The following PIN4 variants were observed in gnomAD, a reference collection of about 807,000 sequenced individuals.
PIN4 encodes peptidylprolyl cis/trans isomerase, NIMA-interacting 4, also known as peptidyl-prolyl cis-trans isomerase NIMA-interacting 4.
Under a neutral mutation model 8.3 loss-of-function variants are expected in PIN4, and 3 were observed. That is an observed-to-expected ratio of 0.36 (90% CI 0.16 to 0.93). The LOEUF (loss-of-function observed/expected upper bound fraction) is 0.93, where lower values mean the gene tolerates loss of function less well. Among genes scored for constraint, PIN4 ranks in the 40% least tolerant of loss-of-function variants. The pLI is 0.44. For missense variants in PIN4, 75 were observed against 100.6 expected (o/e 0.75, Z 1.09); for synonymous variants, 18 against 32.5 (o/e 0.55, Z 1.52).
intron 3 of PIN4, among the ~76,000 whole-genome samples, chrX:72,232,939 T>TA (rs1231718848): frequency 4.3e-4 from 45 of 104,247 alleles, no homozygotes; most frequent in South Asian, 1.2e-3. Flanking sequence ...CCCATCTCTT[T>TA]AAAAAAAAAA....
intron 3 of PIN4, chrX:72,205,326 G>T (rs140206006): frequency 1.7e-6 from 2 of 1,211,794 alleles, no homozygotes; most frequent in Non-Finnish European, 2.2e-6. Context: ...GTGTTTCTCC[G>T]GAAGGATCCT....
intron 3 of PIN4, among the ~76,000 whole-genome samples, chrX:72,250,336 C>T (rs2043081937): frequency 9.1e-6 from 1 of 110,313 alleles, no homozygotes; most frequent in African/African-American, 3.3e-5. Context: ...GTGGTACGTG[C>T]CTATAGTCCC....
At chrX:72,229,237 T>A (rs1191571595) in intron 3 of PIN4, among the ~76,000 whole-genome samples, 1 of 111,229 alleles carries the variant, frequency 9.0e-6, no homozygotes, top group African/African-American at 3.3e-5. Context: ...CGTACTATCA[T>A]TATTAAACAC....
chrX:72,255,273 A>AAGTAATAAT (rs1556407611), intron 3 of PIN4, among the ~76,000 whole-genome samples: 19 of 96,378 alleles, frequency 2.0e-4, no homozygotes, highest in African/African-American at 6.8e-4. Context: ...CCATCTCTAA[A>AAGTAATAAT]AATAATAATA....
intron 3 of PIN4, among the ~76,000 whole-genome samples, chrX:72,253,058 C>T (rs1321016395): frequency 9.0e-6 from 1 of 111,691 alleles, no homozygotes; most frequent in African/African-American, 3.3e-5. Flanking sequence ...TGGTTCCCAA[C>T]CCACCCTCAA....
At chrX:72,203,829 G>C (rs1294869627) in intron 3 of PIN4, among the ~76,000 whole-genome samples, 1 of 111,801 alleles carries the variant, frequency 8.9e-6, no homozygotes, top group East Asian at 2.8e-4. Context: ...CCAACACATA[G>C]TACGTCATCA....
At chrX:72,210,202 AAAATAAATAAATAAATAAAT>A (rs58086876) in intron 3 of PIN4, among the ~76,000 whole-genome samples, 12 of 97,197 alleles carry the variant, frequency 1.2e-4, no homozygotes, top group Non-Finnish European at 2.0e-4. Context: ...TGTCTCTTAA[AAAATAAATAAATAAATAAAT>A]AAATAAATAA....
At chrX:72,250,991 C>G (rs1157284776) in intron 3 of PIN4, among the ~76,000 whole-genome samples, 2 of 107,826 alleles carry the variant, frequency 1.9e-5, no homozygotes, top group Admixed American at 1.9e-4. Context: ...CCTCCCACCT[C>G]CATCTCCCAA....
rs1556407611 is a variant in PIN4 at position 72,255,273 on chromosome X, A to AATAATAATAAT, written c.313-7433_313-7432insTAATAATAATA. Among the ~76,000 whole-genome samples, 8 of 96,399 alleles carry AATAATAATAAT rather than the reference A, an allele frequency of 8.3e-5. No individual in the cohort carries two copies. In the East Asian group the frequency reaches 1.4e-3, roughly 17 times the overall value. The allele number at this position is 96,399 out of a possible 115,157, so 83.7% of individuals were successfully genotyped here. A position where few individuals can be genotyped will look rare whatever the true frequency, so the allele number is the denominator to read the frequency against. On this transcript the variant is annotated intron_variant, in intron 3 of 3. Coordinates refer to the PIN4 transcript ENST00000423432. ...CGACAGAGCAAGACCCCATCTCTAA[A>AATAATAATAAT]AATAATAATAATAATAATAATAATA...
intron 2 of PIN4, among the ~76,000 whole-genome samples, chrX:72,193,218 G>C (rs1342985943): frequency 9.0e-6 from 1 of 111,475 alleles, no homozygotes; most frequent in Non-Finnish European, 1.9e-5. Flanking sequence ...TCCCCTATCT[G>C]TGACCACGAA....
chrX:72,193,804 C>T (rs1187874576), intron 2 of PIN4, among the ~76,000 whole-genome samples: 1 of 105,930 alleles, frequency 9.4e-6, no homozygotes, highest in Non-Finnish European at 1.9e-5. Flanking sequence ...ACCTGGGAGG[C>T]GGAGGTTGCA....
Position 72,197,817 on chromosome X carries a change from G to T in PIN4, c.*291G>T. ...CTCCCAGAACTATATCTGACTCTCA[G>T]TCTGTCCCATAAATTAATTCAGAAA... On this transcript the variant is annotated 3_prime_UTR_variant, in exon 4 of 4. Coordinates refer to ENST00000373669, the MANE Select transcript of PIN4 (RefSeq NM_006223.4). 1.3e-6 allele frequency: 1 copy of T among 793,192 alleles called. No homozygotes were observed. Among genetic ancestry groups the T allele is most frequent in the Non-Finnish European group, 1.5e-6 (1 of 662,499 alleles). The allele number at this position is 793,192 out of a possible 1,213,427, so 65.4% of individuals were successfully genotyped here.
chrX:72,262,429 G>A (rs777726510), intron 3 of PIN4, among the ~76,000 whole-genome samples: 1 of 111,982 alleles, frequency 8.9e-6, no homozygotes, highest in African/African-American at 3.2e-5. Context: ...CTCACTTCCT[G>A]TGGGCTTAGT....
At chrX:72,251,279 C>A (rs1270266090) in intron 3 of PIN4, among the ~76,000 whole-genome samples, 1 of 101,653 alleles carries the variant, frequency 9.8e-6, no homozygotes, top group Non-Finnish European at 1.9e-5. Flanking sequence ...AGGAGAATGG[C>A]CTGAACTCGG....
At chrX:72,213,618 G>A (rs150911373) in intron 3 of PIN4, among the ~76,000 whole-genome samples, 3,862 of 112,127 alleles carry the variant, frequency 0.034, 119 homozygotes, top group African/African-American at 0.1. Flanking sequence ...TGTCCGCTGC[G>A]TTTCTGATAT....
At chrX:72,223,367 G>T (rs1298676875) in intron 3 of PIN4, among the ~76,000 whole-genome samples, 1 of 104,376 alleles carries the variant, frequency 9.6e-6, no homozygotes, top group African/African-American at 3.5e-5. Context: ...TTAGAGGAAG[G>T]TCCCCAAACA....
At chrX:72,210,320 A>T (rs1569490302) in intron 3 of PIN4, among the ~76,000 whole-genome samples, 1 of 111,156 alleles carries the variant, frequency 9.0e-6, no homozygotes, top group Non-Finnish European at 1.9e-5. Context: ...GCAAACCAAA[A>T]CCACAAGGAG....
intron 3 of PIN4, among the ~76,000 whole-genome samples, chrX:72,244,645 C>T (rs960900222): frequency 1.2e-4 from 13 of 111,784 alleles, no homozygotes; most frequent in African/African-American, 3.9e-4. Context: ...TACCTTCAAT[C>T]CCAACCCAGC....
At chrX:72,251,690 G>A (rs988194905) in intron 3 of PIN4, among the ~76,000 whole-genome samples, 4 of 110,558 alleles carry the variant, frequency 3.6e-5, no homozygotes, top group Non-Finnish European at 5.7e-5. Context: ...TGTTTTTTTC[G>A]AGGTAGGGAA....
Sources: allele counts gnomAD v4.1 joint callset (sites outside exome capture counted in the v4.1 genomes callset), GRCh38; gene constraint gnomAD v4.1.1; transcripts MANE v1.5; gene names NCBI Gene and HGNC (gene_info 2026-07-23, HGNC 2026-07-21).